The following RPRD1A variants were observed in gnomAD, a reference collection of about 807,000 sequenced individuals.
The protein encoded by RPRD1A is regulation of nuclear pre-mRNA domain containing 1A.
In RPRD1A, 9 loss-of-function variants were observed where a neutral mutation model predicts 37.8. The ratio of observed to expected loss-of-function variants is 0.24; its 90% CI spans 0.14 to 0.42. The LOEUF is 0.42. Among genes scored for constraint, RPRD1A ranks in the 10% least tolerant of loss-of-function variants. The pLI is 1.00. For synonymous variants in RPRD1A, 138 were observed against 139.7 expected (o/e 0.99, Z 0.08); for missense variants, 255 against 371.0 (o/e 0.69, Z 2.57).
intron 6 of RPRD1A, among the ~76,000 whole-genome samples, chr18:35,998,363 A>G (rs915928079): frequency 7.3e-6 from 1 of 136,576 alleles, no homozygotes; most frequent in African/African-American, 3.0e-5. Context: ...TCAAAAACTA[A>G]AAAAAAAAAT....
At chr18:36,030,701 TA>T in intron 4 of RPRD1A, 106 bp downstream of exon 4, 1 of 667,720 alleles carries the variant, frequency 1.5e-6, no homozygotes, top group East Asian at 2.7e-5. Context: ...TTCTTGTACC[TA>T]AAAGTATAAT....
At chr18:36,010,394 G>A (rs1430727493) in intron 6 of RPRD1A, among the ~76,000 whole-genome samples, 1 of 152,156 alleles carries the variant, frequency 6.6e-6, no homozygotes, top group Admixed American at 6.5e-5. Context: ...TTGGGAAGCT[G>A]AGGTGGGAGG....
rs943691154 is a variant in RPRD1A at position 35,991,778 on chromosome 18, T to G, written c.*1373A>C. 1.3e-5 allele frequency: 2 copies of G among 152,236 alleles called. No individual in the cohort carries two copies. Among genetic ancestry groups the G allele is most frequent in the Admixed American group, 6.5e-5 (1 of 15,288 alleles). 9.4% of individuals were successfully genotyped at this position (152,236 alleles called of 1,614,324 possible). On this transcript the variant is annotated 3_prime_UTR_variant, in exon 7 of 7. Coordinates refer to ENST00000399022, the MANE Select transcript of RPRD1A (RefSeq NM_018170.5). ...AAATGTCTGCCTTCTTCATATGCAA[T>G]TCATTGTAACTATAATTTCTAATAC...
At chr18:36,034,693 T>C (rs1912066003) in intron 1 of RPRD1A, among the ~76,000 whole-genome samples, 1 of 152,214 alleles carries the variant, frequency 6.6e-6, no homozygotes, top group Non-Finnish European at 1.5e-5. Context: ...CATAGTACAG[T>C]GGTGTAGGAA....
At chr18:36,057,051 C>CAAAAAAAAAAAAAAA (rs35428437) in intron 1 of RPRD1A, among the ~76,000 whole-genome samples, 1 of 44,732 alleles carries the variant, frequency 2.2e-5, no homozygotes, top group Non-Finnish European at 4.0e-5. Context: ...CCTGTTTCTA[C>CAAAAAAAAAAAAAAA]AAAAAAAAAA....
Position 36,052,223 on chromosome 18 carries a change from G to A in RPRD1A, c.151+15031C>T, listed in dbSNP as rs142030797. 3.0e-3 allele frequency among the ~76,000 whole-genome samples: 443 copies of A among 147,424 alleles called. 4 individuals carry two copies. Among genetic ancestry groups the A allele is most frequent in the African/African-American group, 0.01 (413 of 40,310 alleles). On this transcript the variant is annotated intron_variant, in intron 1 of 6. Coordinates refer to ENST00000399022, the MANE Select transcript of RPRD1A (RefSeq NM_018170.5). The stretch of plus-strand genomic sequence containing the variant: ...AAAACAATCCTTCAAAACTAAAGGA[G>A]AAATTAAGACATTTCAAGCTAAACA...
intron 6 of RPRD1A, among the ~76,000 whole-genome samples, chr18:36,008,522 G>A (rs1194351068): frequency 1.6e-5 from 2 of 125,012 alleles, no homozygotes; most frequent in Non-Finnish European, 3.3e-5. Flanking sequence ...GCTGCAGTGA[G>A]CCATGATTGC....
chr18:36,016,069 G>C (rs958156217), intron 6 of RPRD1A, among the ~76,000 whole-genome samples: 11 of 152,096 alleles, frequency 7.2e-5, no homozygotes, highest in African/African-American at 2.7e-4. Flanking sequence ...TAAGTAATCT[G>C]ATAAAAGGCA....
At chr18:36,033,400 A>C (rs189607396) in intron 2 of RPRD1A, among the ~76,000 whole-genome samples, 47 of 151,162 alleles carry the variant, frequency 3.1e-4, no homozygotes, top group Admixed American at 2.2e-3. Context: ...ACAAATTTTT[A>C]CTTCAATACC....
chr18:36,066,125 T>C (rs1309623920), intron 1 of RPRD1A, among the ~76,000 whole-genome samples: 1 of 152,196 alleles, frequency 6.6e-6, no homozygotes, highest in African/African-American at 2.4e-5. Context: ...GAATTCCTCA[T>C]TCAGGGCCAA....
intron 6 of RPRD1A, among the ~76,000 whole-genome samples, chr18:36,015,147 CACACACACACATATATACACATATAT>C (rs1910434549): frequency 7.8e-6 from 1 of 128,138 alleles, no homozygotes; most frequent in Admixed American, 8.2e-5. Flanking sequence ...CACACACACA[CACACACACACATATATACACATATAT>C]ACACACACAC....
intron 6 of RPRD1A, among the ~76,000 whole-genome samples, chr18:35,996,318 T>C (rs1001859980): frequency 3.3e-5 from 5 of 152,160 alleles, no homozygotes; most frequent in Admixed American, 1.3e-4. Flanking sequence ...TCCCAGATTA[T>C]CAAAGCTGTT....
At position 36,026,905 on chromosome 18, in the gene RPRD1A, A is replaced by G. The variant is rs1210637690; in HGVS notation, c.784T>C (p.Leu262=). Residue 262 remains leucine (L), a synonymous_variant, in exon 6 of 7, where the codon TTG becomes CTG. Coordinates refer to ENST00000399022, the MANE Select transcript of RPRD1A (RefSeq NM_018170.5). ...KEALAEKEHK[L]EEYKRKLARV... ...AGAAGAAAAAGGTTACGCACTTCCA[A>G]TTTATGCTCTTTCTCTGCAAGGGCT... The G allele has an allele frequency of 6.2e-7, 1 of 1,613,246 alleles. No individual in the cohort carries two copies. Among genetic ancestry groups the G allele is most frequent in the South Asian group, 1.1e-5 (1 of 90,942 alleles).
intron 1 of RPRD1A, among the ~76,000 whole-genome samples, chr18:36,056,174 T>G (rs976555876): frequency 6.6e-6 from 1 of 152,192 alleles, no homozygotes; most frequent in African/African-American, 2.4e-5. Flanking sequence ...AATCATTTTT[T>G]AAAATGAAGC....
At chr18:36,026,777 G>T (rs1205831829) in intron 6 of RPRD1A, 123 bp downstream of exon 6, 15 of 704,654 alleles carry the variant, frequency 2.1e-5, no homozygotes, top group Middle Eastern at 7.1e-4. Flanking sequence ...GCTTACCTGG[G>T]CTACTGCTTA....
chr18:35,999,070 T>C (rs1909263416), intron 6 of RPRD1A, among the ~76,000 whole-genome samples: 1 of 147,880 alleles, frequency 6.8e-6, no homozygotes, highest in Non-Finnish European at 1.5e-5. Flanking sequence ...TCAAGCTAAC[T>C]TCCTATGATA....
intron 1 of RPRD1A, chr18:36,040,948 G>T: frequency 1.2e-6 from 1 of 809,274 alleles, no homozygotes; most frequent in South Asian, 1.9e-5. Flanking sequence ...CTTTCAGAAT[G>T]AACTACAAAC....
intron 1 of RPRD1A, among the ~76,000 whole-genome samples, chr18:36,034,937 C>G (rs1912084254): frequency 6.6e-6 from 1 of 152,228 alleles, no homozygotes; most frequent in African/African-American, 2.4e-5. Context: ...ACTTTACAAA[C>G]CTGTGCCATG....
chr18:36,059,031 T>C (rs569167591), intron 1 of RPRD1A, among the ~76,000 whole-genome samples: 18 of 152,340 alleles, frequency 1.2e-4, no homozygotes, highest in African/African-American at 3.8e-4. Flanking sequence ...GTTACGATAA[T>C]TGCATGAGGT....
Sources: allele counts gnomAD v4.1 joint callset (sites outside exome capture counted in the v4.1 genomes callset), GRCh38; gene constraint gnomAD v4.1.1; transcripts MANE v1.5; gene names NCBI Gene and HGNC (gene_info 2026-07-23, HGNC 2026-07-21).